The following TTLL4 variants were observed in gnomAD, a reference collection of about 807,000 sequenced individuals.
The protein encoded by TTLL4 is tubulin tyrosine ligase like 4.
A neutral mutation model predicts 122.7 loss-of-function variants in TTLL4; 85 were observed. The observed-to-expected ratio is 0.69, with a 90% CI of 0.58 to 0.83. The LOEUF is 0.83. TTLL4 is among the 40% of genes least tolerant of loss of function. The pLI is 0.00. For missense variants in TTLL4, 1,363 were observed against 1,488.6 expected, an observed-to-expected ratio of 0.92 and a Z score of 1.39; for synonymous variants, 553 against 563.0, an observed-to-expected ratio of 0.98 and a Z score of 0.25.
At chr2:218,744,288 A>G (rs771756016) in intron 5 of TTLL4, among the ~76,000 whole-genome samples, 1 of 152,222 alleles carries the variant, frequency 6.6e-6, no homozygotes, top group Non-Finnish European at 1.5e-5. Flanking sequence ...GGATTATATT[A>G]TCTAAGTTGT....
At chr2:218,749,466 T>TA in intron 14 of TTLL4, 79 bp downstream of exon 14, 1 of 1,515,828 alleles carries the variant, frequency 6.6e-7, no homozygotes, top group Middle Eastern at 1.8e-4. Context: ...AGTAAGTTGT[T>TA]CTTTTTTTTT....
intron 1 of TTLL4, among the ~76,000 whole-genome samples, chr2:218,717,306 C>T (rs562722783): frequency 4.8e-4 from 73 of 152,028 alleles, no homozygotes; most frequent in Admixed American, 1.3e-3. Flanking sequence ...GTAGCAGGAC[C>T]GCCAAAAGGA....
chr2:218,715,909 C>T (rs948994939), intron 1 of TTLL4, among the ~76,000 whole-genome samples: 18 of 152,318 alleles, frequency 1.2e-4, no homozygotes, highest in South Asian at 6.2e-4. Flanking sequence ...GGATTACAGG[C>T]GTGAGCCACC....
intron 1 of TTLL4, among the ~76,000 whole-genome samples, chr2:218,712,196 G>C (rs1941728818): frequency 6.6e-6 from 1 of 152,164 alleles, no homozygotes; most frequent in Admixed American, 6.5e-5. Flanking sequence ...GAGCCATCCA[G>C]TAACAAATAG....
intron 2 of TTLL4, among the ~76,000 whole-genome samples, chr2:218,734,707 C>T (rs1942468821): frequency 6.6e-6 from 1 of 152,146 alleles, no homozygotes; most frequent in Non-Finnish European, 1.5e-5. Context: ...CATTCTCCTA[C>T]CACTTTGGTA....
At chr2:218,741,671 C>T (rs1942704834) in intron 5 of TTLL4, among the ~76,000 whole-genome samples, 1 of 152,154 alleles carries the variant, frequency 6.6e-6, no homozygotes. Context: ...CATCCTCCTT[C>T]CAGAAAAGCA....
chr2:218,753,279 C>A, intron 18 of TTLL4, 94 bp downstream of exon 18: 1 of 1,307,468 alleles, frequency 7.6e-7, no homozygotes, highest in Non-Finnish European at 1.1e-6. Flanking sequence ...ATGTATAGGC[C>A]TCTCTCACTT....
chr2:218,739,120 C>A lies in TTLL4; in HGVS notation c.1444C>A (p.Pro482Thr), dbSNP rs766079122. 11 of 1,614,002 alleles carry A rather than the reference C, an allele frequency of 6.8e-6. No homozygotes were observed. Among genetic ancestry groups the A allele is most frequent in the Middle Eastern group, 1.6e-4 (1 of 6,062 alleles). ...GCTGGGCCAGTCTGAGAAGGAGAGA[C>A]CTGAGGAGGCCAGGGAGCTGGACTC... ...IQLGQSEKER[P>T]EEARELDSSD... Residue 482 changes from proline (P) to threonine (T), a missense_variant, in exon 3 of 20, where the codon CCT becomes ACT. Pro to Thr is a conservative substitution (Grantham distance 38). This residue lies in a region of TTLL4 where 760 missense variants were observed against 808.4 expected (regional missense o/e 0.94). Transcript: ENST00000392102.
At chr2:218,749,634 A>AT (rs1188088151) in intron 14 of TTLL4, among the ~76,000 whole-genome samples, 1 of 151,880 alleles carries the variant, frequency 6.6e-6, no homozygotes, top group African/African-American at 2.4e-5. Context: ...CACCCAGCTA[A>AT]TTTTTTGTAT....
intron 1 of TTLL4, among the ~76,000 whole-genome samples, chr2:218,720,604 G>A (rs1264397789): frequency 6.6e-6 from 1 of 151,204 alleles, no homozygotes; most frequent in Non-Finnish European, 1.5e-5. Context: ...AACGCGGGAG[G>A]CAGAGGTTGC....
intron 1 of TTLL4, among the ~76,000 whole-genome samples, chr2:218,711,330 G>A (rs1941697659): frequency 1.3e-5 from 2 of 152,220 alleles, no homozygotes; most frequent in South Asian, 2.1e-4. Context: ...CCTAGTTATG[G>A]CCTCCGAGCT....
chr2:218,754,291 A>G lies in TTLL4; in HGVS notation c.3502A>G (p.Thr1168Ala), dbSNP rs1322331782. Residue 1168 changes from threonine (T) to alanine (A), a missense_variant, in exon 20 of 20, where the codon ACG becomes GCG. By Grantham distance (58) the Thr-to-Ala change is moderately conservative. Around this residue, in one of 3 missense-constraint regions of TTLL4, gnomAD observed 596 missense variants for 655.8 expected, o/e 0.91. Transcript: ENST00000392102. Reference sequence around the variant, plus strand: ...CAAAGAGCCCAGCCTTTCTACCCAGACGTTACCTGTGATCAAGTGCTCTGG... The same window carrying G: ...CAAAGAGCCCAGCCTTTCTACCCAGGCGTTACCTGTGATCAAGTGCTCTGG... ...TSKEPSLSTQ[T>A]LPVIKCSGQT... 30 of 1,613,974 alleles carry G rather than the reference A, an allele frequency of 1.9e-5. No individual in the cohort carries two copies. Among genetic ancestry groups the G allele is most frequent in the Non-Finnish European group, 2.5e-5 (30 of 1,180,018 alleles).
At chr2:218,727,721 G>A (rs1001394813) in intron 2 of TTLL4, among the ~76,000 whole-genome samples, 20 of 151,900 alleles carry the variant, frequency 1.3e-4, no homozygotes, top group East Asian at 5.8e-4. Context: ...CAGCCTGGGC[G>A]ACAGACAAAG....
intron 1 of TTLL4, among the ~76,000 whole-genome samples, chr2:218,717,938 G>A (rs137941000): frequency 0.04 from 6,069 of 151,914 alleles, 380 homozygotes; most frequent in African/African-American, 0.14. Flanking sequence ...AGCTGGGACT[G>A]CAGGCGTCTG....
chr2:218,758,662 T>G (rs1404529086), downstream of TTLL4, among the ~76,000 whole-genome samples: 5 of 152,188 alleles, frequency 3.3e-5, no homozygotes, highest in Admixed American at 3.3e-4. Flanking sequence ...CACTTAACAC[T>G]AAAGTGGCTC....
chr2:218,739,337 G>A (rs1234689013), intron 3 of TTLL4, among the ~76,000 whole-genome samples, 174 bp downstream of exon 3: 1 of 152,226 alleles, frequency 6.6e-6, no homozygotes, highest in Admixed American at 6.5e-5. Flanking sequence ...ACCAAATCTT[G>A]CTTGTTGCCT....
chr2:218,724,899 TC>T (rs1238522944), intron 1 of TTLL4, among the ~76,000 whole-genome samples: 1 of 152,146 alleles, frequency 6.6e-6, no homozygotes, highest in Non-Finnish European at 1.5e-5. Flanking sequence ...TATTTTATTT[TC>T]GTATTTTATT....
chr2:218,712,101 G>A lies in TTLL4; in HGVS notation c.-178+1064G>A, dbSNP rs532377581. ...AATAGAGAGGTGGGAGGACATTCCAGATACACAGTGGCTTTAGGAAAGGGA... is the reference window on the plus strand; with the variant it reads ...AATAGAGAGGTGGGAGGACATTCCAAATACACAGTGGCTTTAGGAAAGGGA... On this transcript the variant is annotated intron_variant, in intron 1 of 19. Coordinates refer to ENST00000392102, the MANE Select transcript of TTLL4 (RefSeq NM_014640.5). Among the ~76,000 whole-genome samples, 197 of 152,276 alleles carry A rather than the reference G, an allele frequency of 1.3e-3. 6 individuals are homozygous for A. The South Asian group carries it at 0.04, about 31-fold the overall frequency.
chr2:218,746,400 T>C, intron 8 of TTLL4, 169 bp downstream of exon 8: 1 of 658,716 alleles, frequency 1.5e-6, no homozygotes, highest in Non-Finnish European at 2.6e-6. Flanking sequence ...GAGACTCCAG[T>C]GGATCACGTA....
Sources: gnomAD v4.1 joint callset for allele counts (sites outside exome capture counted in the v4.1 genomes callset) on GRCh38, gnomAD v4.1.1 for gene constraint, gnomAD v4.1.1 regional missense constraint, MANE v1.5 for transcripts, NCBI Gene and HGNC (gene_info 2026-07-23, HGNC 2026-07-21) for gene names.